Variants in ADGRG4 observed in about 807,000 individuals in gnomAD.
ADGRG4 encodes the protein adhesion G protein-coupled receptor G4.
ADGRG4 carries 122 observed loss-of-function variants against 126.2 expected under a neutral mutation model. The observed-to-expected ratio is 0.97, with a 90% CI of 0.83 to 1.12. ADGRG4 has a LOEUF of 1.12. Ranked by LOEUF, ADGRG4 falls within the 50% of genes most tolerant of loss-of-function variation. The pLI, the probability that ADGRG4 is intolerant of heterozygous loss-of-function variation, is 0.00. For synonymous variants in ADGRG4, 943 were observed against 838.7 expected (o/e 1.12, Z -2.15); for missense variants, 2,481 against 2,251.8 (o/e 1.10, Z -2.06).
At chrX:136,377,167 C>CTTTTTTTTTTTTTT (rs1184343263) in intron 15 of ADGRG4, among the ~76,000 whole-genome samples, 118 of 48,616 alleles carry the variant, frequency 2.4e-3, no homozygotes, top group Middle Eastern at 0.025. Context: ...GTTTTCTTTC[C>CTTTTTTTTTTTTTT]TTTTTTTTTT....
At chrX:136,408,016 C>A (rs1020075987) in intron 23 of ADGRG4, among the ~76,000 whole-genome samples, 1 of 111,597 alleles carries the variant, frequency 9.0e-6, no homozygotes, top group African/African-American at 3.3e-5. Context: ...CTCTTTGGCT[C>A]AGTGATTCTG....
intron 15 of ADGRG4, among the ~76,000 whole-genome samples, chrX:136,374,578 C>A (rs1004061624): frequency 3.6e-5 from 4 of 110,807 alleles, no homozygotes; most frequent in Non-Finnish European, 7.6e-5. Context: ...TACAGCCACT[C>A]ACCACCATAT....
intron 15 of ADGRG4, among the ~76,000 whole-genome samples, chrX:136,386,919 T>A (rs2075294848): frequency 8.9e-6 from 1 of 112,355 alleles, no homozygotes; most frequent in African/African-American, 3.2e-5. Context: ...TAATTTCTGA[T>A]GAACAGAAAT....
At chrX:136,309,136 C>G in intron 4 of ADGRG4, among the ~76,000 whole-genome samples, 1 of 112,602 alleles carries the variant, frequency 8.9e-6, no homozygotes. Flanking sequence ...TAATGCACAC[C>G]TAACAGAAGA....
chrX:136,314,985 T>C (rs2018558618), intron 4 of ADGRG4, among the ~76,000 whole-genome samples: 1 of 111,913 alleles, frequency 8.9e-6, no homozygotes, highest in Non-Finnish European at 1.9e-5. Context: ...CTGTCTCCTA[T>C]GCCAAGAACT....
At chrX:136,332,964 A>T (rs2074922734) in intron 5 of ADGRG4, among the ~76,000 whole-genome samples, 1 of 110,654 alleles carries the variant, frequency 9.0e-6, no homozygotes, top group Admixed American at 9.6e-5. Context: ...TTGCCTGTTC[A>T]CTCTGATGGT....
chrX:136,409,542 G>A (rs1443858883), intron 23 of ADGRG4, among the ~76,000 whole-genome samples: 1 of 111,774 alleles, frequency 8.9e-6, no homozygotes, highest in Non-Finnish European at 1.9e-5. Flanking sequence ...CTCTCCTCGG[G>A]GTGCTGCACC....
chrX:136,308,734 C>A, intron 3 of ADGRG4, 35 bp from the exon 4 acceptor site: 2 of 750,072 alleles, frequency 2.7e-6, no homozygotes, highest in Non-Finnish European at 4.2e-6. Flanking sequence ...TTCTGAATAT[C>A]TGAGCTGGGC....
Position 136,349,048 on chromosome X carries a change from C to CA in ADGRG4, c.5348dup (p.Asn1783LysfsTer3), listed in dbSNP as rs760259488. ...AGCTTTAAGAGTGCTTCTGGACCCA[C>CA]AAAAAATGTTAAAACAACCACCAAT... is the stretch of plus-strand genomic sequence containing the variant. On this transcript the variant is annotated frameshift_variant, in exon 6 of 26. Transcript: ENST00000394143. LOFTEE classifies it high-confidence loss of function. The CA allele has an allele frequency of 1.7e-6, 2 of 1,203,951 alleles. No homozygotes were observed. Among genetic ancestry groups the CA allele is most frequent in the African/African-American group, 1.8e-5 (1 of 56,875 alleles).
intron 5 of ADGRG4, among the ~76,000 whole-genome samples, chrX:136,339,169 G>C (rs2074965281): frequency 9.0e-6 from 1 of 111,384 alleles, no homozygotes; most frequent in Non-Finnish European, 1.9e-5. Flanking sequence ...CCTGCTGCTG[G>C]AGAGTCCCTT....
intron 15 of ADGRG4, among the ~76,000 whole-genome samples, chrX:136,384,077 A>AT (rs767146703): frequency 4.5e-4 from 49 of 108,084 alleles, no homozygotes; most frequent in African/African-American, 1.5e-3. Context: ...TTATTTATTT[A>AT]TTTTTTTATT....
At position 136,413,504 on chromosome X, in the gene ADGRG4, C is replaced by G. The variant is rs760622526; in HGVS notation, c.9038-656C>G. Among the ~76,000 whole-genome samples the G allele has an allele frequency of 3.6e-5, 4 of 110,554 alleles. No individual in the cohort carries two copies. The East Asian group carries it at 1.1e-3, about 32-fold the overall frequency. On this transcript the variant is annotated intron_variant, in intron 24 of 25. Transcript: ENST00000394143. ...AGCCAGAATCTACAATGAACTCAAA[C>G]AAATTTACGAGAAAAAAACAAACAA...
At chrX:136,337,228 C>T (rs1282856933) in intron 5 of ADGRG4, among the ~76,000 whole-genome samples, 3 of 111,742 alleles carry the variant, frequency 2.7e-5, no homozygotes, top group African/African-American at 9.8e-5. Flanking sequence ...TTTGACCTCC[C>T]AAATTTCTAG....
At chrX:136,336,434 C>T (rs2074948553) in intron 5 of ADGRG4, among the ~76,000 whole-genome samples, 1 of 111,676 alleles carries the variant, frequency 9.0e-6, no homozygotes, top group Non-Finnish European at 1.9e-5. Context: ...CTTGTTGAGA[C>T]AGGGGTGTTA....
chrX:136,403,935 A>G (rs1354871637), intron 22 of ADGRG4, among the ~76,000 whole-genome samples: 2 of 111,566 alleles, frequency 1.8e-5, no homozygotes, highest in Non-Finnish European at 3.8e-5. Flanking sequence ...CCACCTCTCC[A>G]GAACCTTCTT....
At chrX:136,336,360 T>C (rs778786225) in intron 5 of ADGRG4, among the ~76,000 whole-genome samples, 165 of 111,838 alleles carry the variant, frequency 1.5e-3, no homozygotes, top group Non-Finnish European at 2.6e-3. Context: ...TCAACTAAAG[T>C]CTGTTGATTG....
At position 136,349,064 on chromosome X, in the gene ADGRG4, A is replaced by C; in HGVS notation, c.5358A>C (p.Thr1786=). The change falls in exon 6 of 26, where the codon ACA becomes ACC. Residue 1786 remains threonine, a synonymous_variant. Transcript: ENST00000394143. ...SASGPTKNVK[T]TTNCFSSNTR... ...CTGGACCCACAAAAAATGTTAAAAC[A>C]ACCACCAATTGCTTTTCTTCTAATA... 2.5e-6 allele frequency: 3 copies of C among 1,207,335 alleles called. No homozygotes were observed. The highest frequency in any genetic ancestry group is 3.4e-6 in the Non-Finnish European group (3 of 892,869).
intron 15 of ADGRG4, among the ~76,000 whole-genome samples, chrX:136,375,959 A>G (rs1215029301): frequency 1.8e-5 from 2 of 112,132 alleles, no homozygotes; most frequent in Non-Finnish European, 1.9e-5. Flanking sequence ...TTCTTTGCCT[A>G]GGCCAATGTT....
At position 136,348,720 on chromosome X, in the gene ADGRG4, G is replaced by T. The variant is rs200165046; in HGVS notation, c.5014G>T (p.Val1672Leu). ...TATGGCTGGGATAGTGACTCCATTTGTAGGCACCACTGCCTTCTCTCCACT... is the reference window on the plus strand; with the variant it reads ...TATGGCTGGGATAGTGACTCCATTTTTAGGCACCACTGCCTTCTCTCCACT... ...TIMAGIVTPF[V>L]GTTAFSPLSS... The change falls in exon 6 of 26, where the codon GTA becomes TTA. Residue 1672 changes from valine to leucine, a missense_variant. Transcript: ENST00000394143. 15 of 1,207,358 alleles carry T rather than the reference G, an allele frequency of 1.2e-5. No individual in the cohort carries two copies. The highest frequency in any genetic ancestry group is 1.7e-5 in the Non-Finnish European group (15 of 894,461).
Sources: gnomAD v4.1 joint callset for allele counts (sites outside exome capture counted in the v4.1 genomes callset) on GRCh38, gnomAD v4.1.1 for gene constraint, MANE v1.5 for transcripts, NCBI Gene and HGNC (gene_info 2026-07-23, HGNC 2026-07-21) for gene names.